The following SFMBT2 variants were observed in gnomAD, a reference collection of about 807,000 sequenced individuals.
SFMBT2 encodes Scm like with four mbt domains 2.
A neutral mutation model predicts 110.1 loss-of-function variants in SFMBT2; 38 were observed. The observed-to-expected ratio is 0.35, with a 90% CI of 0.27 to 0.45. The LOEUF (loss-of-function observed/expected upper bound fraction) is 0.45. Ranked by LOEUF, SFMBT2 falls within the 20% of genes least tolerant of loss-of-function variation. The pLI is 1.00. For missense variants in SFMBT2, 1,011 were observed against 1,094.9 expected, an observed-to-expected ratio of 0.92 and a Z score of 1.08; for synonymous variants, 425 against 425.4, an observed-to-expected ratio of 1.00 and a Z score of 0.01.
chr10:7,363,851 G>A lies in SFMBT2; in HGVS notation c.436+3798C>T, dbSNP rs1172030249. Among the ~76,000 whole-genome samples the A allele has an allele frequency of 3.9e-5, 6 of 152,126 alleles. No homozygotes were observed. In the East Asian group the frequency reaches 1.2e-3, roughly 29 times the overall value. On this transcript the variant is annotated intron_variant, in intron 4 of 20. Coordinates refer to ENST00000397167, the MANE Select transcript of SFMBT2 (RefSeq NM_001387889.1). ...TCCCTTTATACCACTCTGACTCCTG[G>A]AATCAGTAAGAAAATCTCCGTCTCA...
At chr10:7,180,642 C>T (rs1345875488) in intron 16 of SFMBT2, among the ~76,000 whole-genome samples, 1 of 152,160 alleles carries the variant, frequency 6.6e-6, no homozygotes, top group African/African-American at 2.4e-5. Flanking sequence ...ACTGCCTTCC[C>T]CTCCCTTCCA....
intron 4 of SFMBT2, among the ~76,000 whole-genome samples, chr10:7,315,770 T>C (rs2131917856): frequency 6.6e-6 from 1 of 152,380 alleles, no homozygotes; most frequent in African/African-American, 2.4e-5. Context: ...AAGAGCTGTA[T>C]GACCTTCAGC....
intron 4 of SFMBT2, among the ~76,000 whole-genome samples, chr10:7,315,686 C>T (rs1380239503): frequency 6.6e-6 from 1 of 152,160 alleles, no homozygotes; most frequent in Non-Finnish European, 1.5e-5. Context: ...CCTGGAGAAC[C>T]CTGACTAGTC....
In SFMBT2 at chr10:7,162,084, C is replaced by T. The variant is rs577160668; in HGVS notation, c.*1686G>A. ...CAGGGTCTGAGTGGAGATATGGAAT[C>T]GCTCATGAGGATATGGAGATGGCTT... On this transcript the variant is annotated 3_prime_UTR_variant, in exon 21 of 21. Coordinates refer to ENST00000397167, the MANE Select transcript of SFMBT2 (RefSeq NM_001387889.1). 3 of 152,276 alleles carry T rather than the reference C, an allele frequency of 2.0e-5. No individual in the cohort carries two copies. Among genetic ancestry groups the T allele is most frequent in the Middle Eastern group, 3.4e-3 (1 of 294 alleles). 9.4% of individuals were successfully genotyped at this position (152,276 alleles called of 1,614,324 possible).
intron 8 of SFMBT2, chr10:7,243,987 G>T (rs988669814): frequency 2.4e-5 from 9 of 377,400 alleles, no homozygotes; most frequent in Non-Finnish European, 2.9e-5. Flanking sequence ...AATGGCTATA[G>T]CTTGAAGAAA....
intron 1 of SFMBT2, among the ~76,000 whole-genome samples, chr10:7,409,051 T>C (rs567965650): frequency 6.6e-6 from 1 of 152,032 alleles, no homozygotes; most frequent in Admixed American, 6.6e-5. Context: ...CCTACGTGCT[T>C]GTCTCCCAGA....
intron 4 of SFMBT2, among the ~76,000 whole-genome samples, chr10:7,317,481 A>C (rs964628217): frequency 2.0e-5 from 3 of 152,016 alleles, no homozygotes; most frequent in Admixed American, 1.3e-4. Context: ...ATCTCTACTG[A>C]AAATACAAAA....
intron 2 of SFMBT2, among the ~76,000 whole-genome samples, chr10:7,377,974 G>A (rs1447605081): frequency 2.2e-5 from 3 of 138,568 alleles, no homozygotes; most frequent in African/African-American, 7.9e-5. Flanking sequence ...GGGGGGTTGT[G>A]TGTGTGGGGG....
At chr10:7,278,400 C>T (rs1029486350) in intron 6 of SFMBT2, among the ~76,000 whole-genome samples, 1 of 152,172 alleles carries the variant, frequency 6.6e-6, no homozygotes, top group Non-Finnish European at 1.5e-5. Context: ...CCTGTGCACT[C>T]AGGCAAGCTC....
intron 4 of SFMBT2, among the ~76,000 whole-genome samples, chr10:7,290,110 C>T (rs975026363): frequency 1.3e-4 from 20 of 152,196 alleles, no homozygotes; most frequent in African/African-American, 4.1e-4. Context: ...CGCCCAACTA[C>T]GGCATCAAAG....
chr10:7,253,518 G>T (rs941730022), intron 7 of SFMBT2, among the ~76,000 whole-genome samples: 1 of 152,152 alleles, frequency 6.6e-6, no homozygotes. Context: ...AGTGTTGTGG[G>T]TAAAAACAGT....
intron 7 of SFMBT2, among the ~76,000 whole-genome samples, chr10:7,264,592 T>A (rs569465328): frequency 6.6e-6 from 1 of 152,152 alleles, no homozygotes; most frequent in Non-Finnish European, 1.5e-5. Flanking sequence ...GTCCTGGGCA[T>A]ATGACTCACA....
chr10:7,180,741 G>C (rs578167229), intron 16 of SFMBT2, among the ~76,000 whole-genome samples: 45 of 151,910 alleles, frequency 3.0e-4, no homozygotes, highest in African/African-American at 8.4e-4. Flanking sequence ...AGGGACGCAG[G>C]GGGGAGGCCG....
intron 10 of SFMBT2, among the ~76,000 whole-genome samples, chr10:7,225,958 A>G (rs1206749654): frequency 6.6e-6 from 1 of 152,222 alleles, no homozygotes; most frequent in Non-Finnish European, 1.5e-5. Context: ...AAGACAGCAC[A>G]GGACATCAAA....
At chr10:7,287,432 T>C (rs1842128639) in intron 4 of SFMBT2, 1 of 244,068 alleles carries the variant, frequency 4.1e-6, no homozygotes, top group Admixed American at 6.5e-5. Flanking sequence ...ATTCTACAAG[T>C]GCTTAGAACC....
intron 20 of SFMBT2, chr10:7,164,407 T>A: frequency 1.0e-6 from 1 of 984,374 alleles, no homozygotes; most frequent in Non-Finnish European, 1.2e-6. Flanking sequence ...AAAACAACAA[T>A]ACAAATACAA....
Position 7,250,791 on chromosome 10 carries a change from G to A in SFMBT2, c.871-2142C>T, listed in dbSNP as rs117321045. On this transcript the variant is annotated intron_variant, in intron 7 of 20. Transcript: ENST00000397167. ...ACAGCCATTCTTACTGGTGTGAGAC[G>A]GTATCTCCTTGTGGTTTTGATTTCA... 6.8e-3 allele frequency among the ~76,000 whole-genome samples: 1,035 copies of A among 152,216 alleles called. 6 individuals are homozygous for A. Among genetic ancestry groups the A allele is most frequent in the African/African-American group, 0.01 (425 of 41,520 alleles).
intron 9 of SFMBT2, among the ~76,000 whole-genome samples, chr10:7,242,607 C>A (rs1190660589): frequency 6.6e-6 from 1 of 152,120 alleles, no homozygotes; most frequent in Non-Finnish European, 1.5e-5. Flanking sequence ...TGGAAATATT[C>A]AAAAGCATCT....
At chr10:7,324,961 CTTTTTTTTTTTTT>C (rs869253757) in intron 4 of SFMBT2, among the ~76,000 whole-genome samples, 1 of 92,140 alleles carries the variant, frequency 1.1e-5, no homozygotes, top group African/African-American at 4.6e-5. Flanking sequence ...AGAGGCCCCA[CTTTTTTTTTTTTT>C]TTTTTTTTTT....
Sources: gnomAD v4.1 joint callset for allele counts (sites outside exome capture counted in the v4.1 genomes callset) on GRCh38, gnomAD v4.1.1 for gene constraint, MANE v1.5 for transcripts, NCBI Gene and HGNC (gene_info 2026-07-23, HGNC 2026-07-21) for gene names.